Variants in CDH19 observed in about 807,000 individuals in gnomAD.
CDH19 encodes cadherin 19.
A neutral mutation model predicts 64.2 loss-of-function variants in CDH19; 67 were observed. The ratio of observed to expected loss-of-function variants is 1.04; its 90% CI spans 0.86 to 1.28. CDH19 has a LOEUF of 1.28. Among genes scored for constraint, CDH19 ranks in the 50% most tolerant of loss-of-function variants. The pLI is 0.00. For synonymous variants in CDH19, 346 were observed against 319.3 expected, an observed-to-expected ratio of 1.08 and a Z score of -0.89; for missense variants, 1,030 against 929.0, an observed-to-expected ratio of 1.11 and a Z score of -1.41.
intron 9 of CDH19, among the ~76,000 whole-genome samples, chr18:66,511,988 T>A (rs1444015891): frequency 6.6e-6 from 1 of 151,584 alleles, no homozygotes; most frequent in African/African-American, 2.4e-5. Context: ...ATTACTCACA[T>A]CCTCCCTGCC....
At chr18:66,525,310 C>A (rs76888899) in intron 9 of CDH19, among the ~76,000 whole-genome samples, 1 of 152,016 alleles carries the variant, frequency 6.6e-6, no homozygotes, top group African/African-American at 2.4e-5. Context: ...CATATGCACA[C>A]CATTTCAGTT....
At chr18:66,526,062 G>T (rs1030367758) in intron 9 of CDH19, among the ~76,000 whole-genome samples, 1 of 152,024 alleles carries the variant, frequency 6.6e-6, no homozygotes, top group Non-Finnish European at 1.5e-5. Flanking sequence ...TAGAGAAACA[G>T]AAAAACTTGT....
chr18:66,544,315 C>T (rs987032117), intron 6 of CDH19, 91 bp from the exon 7 acceptor site: 7 of 1,220,260 alleles, frequency 5.7e-6, no homozygotes, highest in Admixed American at 2.6e-5. Context: ...AATTAAGTCT[C>T]AGTGGCCTTT....
chr18:66,560,362 C>T (rs1454422645), intron 3 of CDH19, among the ~76,000 whole-genome samples: 1 of 152,100 alleles, frequency 6.6e-6, no homozygotes, highest in African/African-American at 2.4e-5. Context: ...AGCTTGATAT[C>T]TCCATTTATC....
At position 66,568,473 on chromosome 18, in the gene CDH19, C is replaced by A. The variant is rs188355455; in HGVS notation, c.433G>T (p.Glu145Ter). Residue 145 changes from glutamate to a stop codon, truncating the protein, a stop_gained, in exon 3 of 12, where the codon GAA becomes TAA. Transcript: ENST00000262150. LOFTEE classifies it high-confidence loss of function. Reference protein sequence around the residue: ...VIKVSDINDNEPKFLDEPYEA... With the variant: ...VIKVSDINDN Reference sequence around the variant, plus strand: ...TAAGGTTCATCTAGGAATTTTGGTTCATTGTCATTGATATCCGAAACTTTG... The same window carrying A: ...TAAGGTTCATCTAGGAATTTTGGTTAATTGTCATTGATATCCGAAACTTTG... 12 of 1,612,118 alleles carry A rather than the reference C, an allele frequency of 7.4e-6. No homozygotes were observed. The highest frequency in any genetic ancestry group is 6.7e-5 in the Admixed American group (4 of 59,740).
rs138005278 is a variant in CDH19, at chr18:66,558,335, CTTTG to C, written c.491-3815_491-3812del. Reference sequence around the variant, plus strand: ...TCGATTTTTACAGGACCCTAATTATCTTTGTTTATTTTATTTAGTTGTTTTCTAC... The same window carrying C: ...TCGATTTTTACAGGACCCTAATTATCTTTATTTTATTTAGTTGTTTTCTAC... On this transcript the variant is annotated intron_variant, in intron 3 of 11. Coordinates refer to ENST00000262150, the MANE Select transcript of CDH19 (RefSeq NM_021153.4). Among the ~76,000 whole-genome samples the C allele has an allele frequency of 3.0e-3, 460 of 151,454 alleles. 1 individual carries two copies. The highest frequency in any genetic ancestry group is 0.01 in the African/African-American group (432 of 41,444).
rs149211500 is a variant in CDH19, at chr18:66,529,908, A to T, written c.1395T>A (p.Asp465Glu). ...PLYVQVLNINDHAPEFSQYYE... is the reference protein window; with the variant it reads ...PLYVQVLNINEHAPEFSQYYE... ...AGTATTGAGAGAACTCAGGAGCATGATCATTGATGTTAAGAACTTGCACAT... is the reference window on the plus strand; with the variant it reads ...AGTATTGAGAGAACTCAGGAGCATGTTCATTGATGTTAAGAACTTGCACAT... The change falls in exon 9 of 12, where the codon GAT becomes GAA. Residue 465 changes from aspartate to glutamate, a missense_variant. By Grantham distance (45) the Asp-to-Glu change is conservative. Transcript: ENST00000262150. 3.1e-6 allele frequency: 5 copies of T among 1,588,740 alleles called. No individual in the cohort carries two copies. The highest frequency in any genetic ancestry group is 4.3e-6 in the Non-Finnish European group (5 of 1,162,290).
intron 1 of CDH19, among the ~76,000 whole-genome samples, chr18:66,598,340 C>T (rs1283313261): frequency 6.6e-6 from 1 of 152,014 alleles, no homozygotes; most frequent in Non-Finnish European, 1.5e-5. Context: ...GGATTATTAA[C>T]TATATATTTG....
At chr18:66,563,005 T>C (rs1256713687) in intron 3 of CDH19, among the ~76,000 whole-genome samples, 1 of 152,108 alleles carries the variant, frequency 6.6e-6, no homozygotes, top group Non-Finnish European at 1.5e-5. Flanking sequence ...ATGCAGATGT[T>C]TAACATGGCT....
At chr18:66,557,089 A>G (rs1189268283) in intron 3 of CDH19, among the ~76,000 whole-genome samples, 1 of 151,974 alleles carries the variant, frequency 6.6e-6, no homozygotes, top group Non-Finnish European at 1.5e-5. Flanking sequence ...AATGAAATAC[A>G]CCACTAGTAA....
intron 3 of CDH19, among the ~76,000 whole-genome samples, chr18:66,555,847 C>T (rs1200349095): frequency 1.3e-5 from 2 of 151,790 alleles, no homozygotes. Context: ...CCCACATTTC[C>T]TCATTATAAT....
At chr18:66,523,098 CAATT>C (rs1290854731) in intron 9 of CDH19, among the ~76,000 whole-genome samples, 1 of 152,060 alleles carries the variant, frequency 6.6e-6, no homozygotes, top group Non-Finnish European at 1.5e-5. Context: ...ACAGGTTTTC[CAATT>C]TTATTTACTG....
At chr18:66,583,051 T>C (rs372710256) in intron 1 of CDH19, among the ~76,000 whole-genome samples, 9 of 152,074 alleles carry the variant, frequency 5.9e-5, no homozygotes, top group East Asian at 5.8e-4. Context: ...TTGTCAAGGG[T>C]AAATTTTTGT....
intron 8 of CDH19, among the ~76,000 whole-genome samples, chr18:66,533,002 G>T (rs2144430652): frequency 6.6e-6 from 1 of 151,928 alleles, no homozygotes; most frequent in South Asian, 2.1e-4. Context: ...TTCCATTTTG[G>T]CAATCTCTTA....
At chr18:66,571,867 T>C in intron 2 of CDH19, 143 bp downstream of exon 2, 1 of 564,002 alleles carries the variant, frequency 1.8e-6, no homozygotes, top group Non-Finnish European at 3.0e-6. Context: ...CTTGCAAATC[T>C]GAAACAATTA....
chr18:66,568,267 G>A (rs1013829417), intron 3 of CDH19, 149 bp downstream of exon 3: 32 of 594,296 alleles, frequency 5.4e-5, no homozygotes, highest in Non-Finnish European at 7.5e-5. Flanking sequence ...TTGATGCATA[G>A]TCTAATTTTT....
chr18:66,569,682 T>C (rs955169646), intron 2 of CDH19, among the ~76,000 whole-genome samples: 1 of 151,744 alleles, frequency 6.6e-6, no homozygotes, highest in African/African-American at 2.4e-5. Flanking sequence ...ATAGTTAAAA[T>C]GATCACATAG....
rs542748027 is a variant in CDH19 at position 66,590,575 on chromosome 18, T to C, written c.-113+13379A>G. Among the ~76,000 whole-genome samples the C allele has an allele frequency of 1.5e-3, 231 of 151,882 alleles. 3 individuals carry two copies. The highest frequency in any genetic ancestry group is 6.8e-3 in the Middle Eastern group (2 of 294). On this transcript the variant is annotated intron_variant, in intron 1 of 11. Transcript: ENST00000262150. ...GTAGAAGTTGGTTAACACTTATTTA[T>C]AGAACAGTGTTTTTCAAACTTTTCA...
At chr18:66,561,905 T>G (rs1987736973) in intron 3 of CDH19, among the ~76,000 whole-genome samples, 1 of 152,132 alleles carries the variant, frequency 6.6e-6, no homozygotes, top group African/African-American at 2.4e-5. Flanking sequence ...TTTTCATAAT[T>G]GCAAATTTAA....
Sources: allele counts gnomAD v4.1 joint callset (sites outside exome capture counted in the v4.1 genomes callset), GRCh38; gene constraint gnomAD v4.1.1; transcripts MANE v1.5; gene names NCBI Gene and HGNC (gene_info 2026-07-23, HGNC 2026-07-21).